The following PRDM11 variants were observed in gnomAD, a reference collection of about 807,000 sequenced individuals.
PRDM11 encodes PR domain-containing protein 11.
In PRDM11, 20 loss-of-function variants were observed where a neutral mutation model predicts 97.8. That is an observed-to-expected ratio of 0.20 (90% confidence interval 0.14 to 0.30). The LOEUF is 0.30. PRDM11 is among the 10% of genes least tolerant of loss of function. PRDM11 has a pLI of 1.00. For synonymous variants in PRDM11, 599 were observed against 637.7 expected (o/e 0.94, Z 0.91); for missense variants, 1,139 against 1,555.2 (o/e 0.73, Z 4.50).
chr11:45,225,648 G>A (rs1357547125), intron 7 of PRDM11, among the ~76,000 whole-genome samples: 1 of 152,172 alleles, frequency 6.6e-6, no homozygotes, highest in African/African-American at 2.4e-5. Flanking sequence ...AATGTGTGAT[G>A]TGCTTTTCCT....
intron 1 of PRDM11, among the ~76,000 whole-genome samples, chr11:45,123,772 G>A (rs1474097017): frequency 4.0e-5 from 6 of 150,934 alleles, no homozygotes; most frequent in Non-Finnish European, 4.4e-5. Context: ...TTGAAGTCAG[G>A]TAGCGTGATG....
At chr11:45,224,186 CA>C in intron 6 of PRDM11, 30 bp from the exon 7 acceptor site, 3 of 1,532,416 alleles carry the variant, frequency 2.0e-6, no homozygotes, top group Non-Finnish European at 2.6e-6. Flanking sequence ...GGGTTTTCCC[CA>C]TTTCCTTACA....
chr11:45,121,298 G>T (rs1852425288), intron 1 of PRDM11, among the ~76,000 whole-genome samples: 1 of 152,088 alleles, frequency 6.6e-6, no homozygotes. Flanking sequence ...GAGGACACAA[G>T]TTGAAAGGAA....
intron 1 of PRDM11, among the ~76,000 whole-genome samples, chr11:45,140,305 TG>T (rs1335963287): frequency 1.3e-5 from 2 of 152,192 alleles, no homozygotes; most frequent in Non-Finnish European, 2.9e-5. Flanking sequence ...AGAAAACCAG[TG>T]AGGCTCTGAG....
chr11:45,124,964 G>T (rs891968686), intron 1 of PRDM11, among the ~76,000 whole-genome samples: 12 of 152,144 alleles, frequency 7.9e-5, no homozygotes, highest in Non-Finnish European at 1.6e-4. Context: ...GAATCCATCT[G>T]GTCCTGGACT....
rs76540505 is a variant in PRDM11 at position 45,172,716 on chromosome 11, A to G, written c.-6-9045A>G. On this transcript the variant is annotated intron_variant, in intron 1 of 7. Transcript: ENST00000683152. ...CATTAACATTGTATAAGGCATTATA[A>G]GTAATCTAGAGATGATTTAAAGTAT... Among the ~76,000 whole-genome samples the G allele has an allele frequency of 8.8e-3, 1,337 of 152,342 alleles. 10 individuals carry two copies. Among genetic ancestry groups the G allele is most frequent in the Non-Finnish European group, 0.013 (875 of 68,034 alleles).
chr11:45,119,740 T>A (rs966491068), intron 1 of PRDM11, among the ~76,000 whole-genome samples: 2 of 150,316 alleles, frequency 1.3e-5, no homozygotes, highest in Non-Finnish European at 2.9e-5. Flanking sequence ...AGATTATCAG[T>A]CCCTTACCCC....
chr11:45,181,976 C>A, intron 2 of PRDM11, 91 bp downstream of exon 2: 2 of 1,194,758 alleles, frequency 1.7e-6, no homozygotes, highest in Non-Finnish European at 2.4e-6. Flanking sequence ...AACGTTCTCA[C>A]TCCTTGCCCA....
intron 1 of PRDM11, among the ~76,000 whole-genome samples, chr11:45,118,002 CA>C (rs1442323893): frequency 6.6e-6 from 1 of 151,682 alleles, no homozygotes; most frequent in African/African-American, 2.4e-5. Flanking sequence ...ATTTTCCACC[CA>C]ATAAACCATA....
intron 4 of PRDM11, among the ~76,000 whole-genome samples, chr11:45,200,206 C>A (rs1402898171): frequency 6.6e-6 from 1 of 152,182 alleles, no homozygotes; most frequent in Non-Finnish European, 1.5e-5. Context: ...GTCAGAAAAG[C>A]TCTAGACCTG....
chr11:45,219,491 G>T lies in PRDM11; in HGVS notation c.555-79G>T. ...TGTGGACTTCTAACCATCCACACTT[G>T]CCCAGCACTGTGCCGGCACCAGCGG... On this transcript the variant is annotated intron_variant, in intron 5 of 7. Coordinates refer to ENST00000683152, the MANE Select transcript of PRDM11 (RefSeq NM_001384648.1). The surrounding 1 kb of genome is among the most constrained non-coding windows in gnomAD (Gnocchi z 4.2). 7.2e-7 allele frequency: 1 copy of T among 1,385,766 alleles called. No homozygotes were observed. The allele number at this position is 1,385,766 out of a possible 1,614,324, so 85.8% of individuals were successfully genotyped here. A position where few individuals can be genotyped will look rare whatever the true frequency, so the allele number is the denominator to read the frequency against.
At chr11:45,145,365 A>C (rs1460204071), upstream of PRDM11, among the ~76,000 whole-genome samples, 1 of 152,140 alleles carries the variant, frequency 6.6e-6, no homozygotes, top group Non-Finnish European at 1.5e-5. Flanking sequence ...CACCGCCTCC[A>C]GCTCCACATC....
intron 1 of PRDM11, among the ~76,000 whole-genome samples, chr11:45,118,745 T>C (rs2135622551): frequency 6.6e-6 from 1 of 152,350 alleles, no homozygotes; most frequent in South Asian, 2.1e-4. Flanking sequence ...TCATTTCATA[T>C]TGGGTTAAGT....
chr11:45,199,297 A>G (rs1853241735), intron 4 of PRDM11, among the ~76,000 whole-genome samples: 1 of 152,148 alleles, frequency 6.6e-6, no homozygotes, highest in Admixed American at 6.5e-5. Flanking sequence ...ACTCCCATTA[A>G]CAGGAAGCTC....
intron 1 of PRDM11, among the ~76,000 whole-genome samples, chr11:45,138,581 T>C (rs1332285816): frequency 6.6e-6 from 1 of 152,052 alleles, no homozygotes; most frequent in East Asian, 1.9e-4. Flanking sequence ...AATAAATAAA[T>C]TTAGTGCATG....
intron 4 of PRDM11, among the ~76,000 whole-genome samples, chr11:45,186,128 G>A (rs1203730234): frequency 6.6e-6 from 1 of 152,198 alleles, no homozygotes; most frequent in Non-Finnish European, 1.5e-5. Flanking sequence ...AGAACTATAA[G>A]GTAATACATG....
rs1226243386 is a variant in PRDM11, at chr11:45,226,553, C to T, written c.1928C>T (p.Ala643Val). Residue 643 changes from alanine (A) to valine (V), a missense_variant, in exon 8 of 8, where the codon GCC becomes GTC. By Grantham distance (64) the Ala-to-Val change is moderately conservative. Coordinates refer to ENST00000683152, the MANE Select transcript of PRDM11 (RefSeq NM_001384648.1). ...ATCCTCATCCATCACATCGCCCGGG[C>T]CCTGCGGGAAGACCTGGTGGAGCGC... ...CQILIHHIAR[A>V]LREDLVERIR... 2 of 1,533,926 alleles carry T rather than the reference C, an allele frequency of 1.3e-6. No homozygotes were observed. The highest frequency in any genetic ancestry group is 3.9e-5 in the Admixed American group (2 of 50,992).
At chr11:45,178,596 A>G (rs555461854) in intron 1 of PRDM11, among the ~76,000 whole-genome samples, 3 of 152,212 alleles carry the variant, frequency 2.0e-5, no homozygotes, top group East Asian at 1.9e-4. Flanking sequence ...GAGATTCCCA[A>G]TGGGACCAGT....
chr11:45,163,490 G>GT (rs955342270), intron 1 of PRDM11, among the ~76,000 whole-genome samples: 16 of 151,740 alleles, frequency 1.1e-4, no homozygotes, highest in African/African-American at 2.2e-4. Context: ...CTTGAGGATG[G>GT]GGGGGGGTAC....
Sources: allele counts gnomAD v4.1 joint callset (sites outside exome capture counted in the v4.1 genomes callset), GRCh38; gene constraint gnomAD v4.1.1; non-coding constraint Gnocchi (gnomAD v3.1); transcripts MANE v1.5; gene names NCBI Gene and HGNC (gene_info 2026-07-23, HGNC 2026-07-21).